TLE6: variants seen among roughly 807,000 people sequenced by gnomAD.
TLE6 encodes the protein TLE family member 6, subcortical maternal complex member.
A neutral mutation model predicts 77.1 loss-of-function variants in TLE6; 72 were observed. The ratio of observed to expected loss-of-function variants is 0.93; its 90% CI spans 0.77 to 1.14. TLE6 has a LOEUF of 1.14. Among genes scored for constraint, TLE6 ranks in the 50% most tolerant of loss-of-function variants. The pLI is 0.00. For missense variants in TLE6, 843 were observed against 747.6 expected (o/e 1.13, Z -1.49); for synonymous variants, 366 against 287.3 (o/e 1.27, Z -2.77).
At position 2,978,297 on chromosome 19, in the gene TLE6, TGTGGTG is replaced by T. The variant is rs1568206454; in HGVS notation, c.51+15_51+20del. On this transcript the variant is annotated intron_variant, in intron 2 of 16. Transcript: ENST00000246112. ...GAAAAGCACTTCGGTGAGGAGGGCA[TGTGGTG>T]GGATCAGCCCTCAAGGGAAACCCGG... is the stretch of plus-strand genomic sequence containing the variant. 6.4e-7 allele frequency: 1 copy of T among 1,551,034 alleles called. No homozygotes were observed. Among genetic ancestry groups the T allele is most frequent in the African/African-American group, 1.4e-5 (1 of 72,996 alleles).
chr19:2,992,917 A>G (rs1400812037), intron 14 of TLE6, among the ~76,000 whole-genome samples: 1 of 147,652 alleles, frequency 6.8e-6, no homozygotes, highest in East Asian at 2.1e-4. Context: ...GGCCGGGCGC[A>G]GTGTCTCACG....
intron 11 of TLE6, chr19:2,988,825 C>A: frequency 1.7e-6 from 1 of 600,844 alleles, no homozygotes; most frequent in Non-Finnish European, 2.9e-6. Context: ...AGGAGTTCTT[C>A]CTCCTGGGGC....
chr19:2,994,382 G>C (rs187725619), intron 16 of TLE6, among the ~76,000 whole-genome samples: 1 of 152,236 alleles, frequency 6.6e-6, no homozygotes, highest in East Asian at 1.9e-4. Flanking sequence ...AGGCCGAGAC[G>C]GGCAGATCAT....
Position 2,989,115 on chromosome 19 carries a change from C to A in TLE6, c.795C>A (p.Pro265=). 6.2e-7 allele frequency: 1 copy of A among 1,614,136 alleles called. No individual in the cohort carries two copies. The change falls in exon 12 of 17, where the codon CCC becomes CCA. Residue 265 remains proline, a synonymous_variant. Transcript: ENST00000246112. ...CATGGAAGAGGCCAGATGCCTTGCC[C>A]GGGCAGTCAAAGAGACTCGCCGTCC... The part of the protein sequence containing the change: ...EDAWKRPDAL[P]GQSKRLAVPC...
rs1568215427 is a variant in TLE6 at position 2,989,179 on chromosome 19, GAGC to G, written c.860_862del (p.Glu287_Leu288delinsVal). The G allele has an allele frequency of 6.2e-7, 1 of 1,614,140 alleles. No homozygotes were observed. On this transcript the variant is annotated inframe_deletion, in exon 12 of 17. Coordinates refer to ENST00000246112, the MANE Select transcript of TLE6 (RefSeq NM_001143986.2). ...AAAGATGCGGATCTTGGCACACGGG[GAGC>G]TCGTGCTCGCCACGGCCATCAGCAG... is the stretch of plus-strand genomic sequence containing the variant.
chr19:2,978,455 A>C (rs2088724866), intron 2 of TLE6, among the ~76,000 whole-genome samples, 171 bp downstream of exon 2: 1 of 152,168 alleles, frequency 6.6e-6, no homozygotes, highest in Non-Finnish European at 1.5e-5. Context: ...TTTTTTAAAA[A>C]AAATTAAGTG....
At chr19:2,990,714 A>C (rs567594642) in intron 13 of TLE6, among the ~76,000 whole-genome samples, 2 of 146,306 alleles carry the variant, frequency 1.4e-5, no homozygotes, top group African/African-American at 5.2e-5. Context: ...CATATATAAA[A>C]AACAGTCTGG....
At chr19:2,984,822 TTATG>T (rs1407833201) in intron 5 of TLE6, among the ~76,000 whole-genome samples, 1 of 148,688 alleles carries the variant, frequency 6.7e-6, no homozygotes, top group Non-Finnish European at 1.5e-5. Flanking sequence ...ATGACTATAT[TTATG>T]TATTATTCCA....
chr19:2,989,717 C>G lies in TLE6; in HGVS notation c.1176C>G (p.Asn392Lys), dbSNP rs142873734. ...CCCTGGATGCCAACCTGGATGCCAA[C>G]CTGGCCTTCGCCAGCTTCACCAGTG... Reference protein sequence around the residue: ...CQALDANLDANLAFASFTSGV... With the variant: ...CQALDANLDAKLAFASFTSGV... The change falls in exon 13 of 17, where the codon AAC (asparagine) becomes AAG (lysine). Residue 392 changes from asparagine to lysine, a missense_variant. By Grantham distance (94) the Asn-to-Lys change is moderately conservative. Coordinates refer to ENST00000246112, the MANE Select transcript of TLE6 (RefSeq NM_001143986.2). 3 of 1,614,118 alleles carry G rather than the reference C, an allele frequency of 1.9e-6. No homozygotes were observed. Among genetic ancestry groups the G allele is most frequent in the African/African-American group, 1.3e-5 (1 of 74,936 alleles).
chr19:2,977,578 C>G lies in TLE6; in HGVS notation c.-69C>G, dbSNP rs113879765. The G allele has an allele frequency of 8.5e-4, 130 of 152,582 alleles. No homozygotes were observed. The highest frequency in any genetic ancestry group is 3.0e-3 in the African/African-American group (123 of 41,572). The allele number at this position is 152,582 out of a possible 1,614,324, so 9.5% of individuals were successfully genotyped here. ...GGGGAAGGAGGAGTTTCCTCTTGGC[C>G]TGAACTTGGCTGACCTCCGCAGCTT... is the stretch of plus-strand genomic sequence containing the variant. On this transcript the variant is annotated 5_prime_UTR_variant, in exon 1 of 17. Coordinates refer to ENST00000246112, the MANE Select transcript of TLE6 (RefSeq NM_001143986.2).
rs1176718387 is a variant in TLE6 at position 2,994,906 on chromosome 19, G to A, written c.1621G>A (p.Glu541Lys). 2.5e-6 allele frequency: 4 copies of A among 1,597,152 alleles called. No individual in the cohort carries two copies. Among genetic ancestry groups the A allele is most frequent in the East Asian group, 2.2e-5 (1 of 44,552 alleles). Residue 541 changes from glutamate to lysine, a missense_variant, in exon 17 of 17, where the codon GAG becomes AAG. Coordinates refer to ENST00000246112, the MANE Select transcript of TLE6 (RefSeq NM_001143986.2). ...CCCACTGCCCCCCCTCCAGGTGCCT[G>A]AGATGTCTCCAGTCACGTGCTGTGA... ...PAGTKVFEVP[E>K]MSPVTCCDVS...
intron 13 of TLE6, among the ~76,000 whole-genome samples, chr19:2,990,649 AT>A (rs2089026110): frequency 7.0e-6 from 1 of 143,146 alleles, no homozygotes; most frequent in African/African-American, 2.7e-5. Flanking sequence ...AAATATATAT[AT>A]AAATACATAA....
At chr19:2,989,505 G>T in intron 12 of TLE6, 30 bp from the exon 13 acceptor site, 2 of 1,596,174 alleles carry the variant, frequency 1.3e-6, no homozygotes, top group South Asian at 2.2e-5. Flanking sequence ...CACGGGGGGC[G>T]ACAGCTCACA....
intron 2 of TLE6, among the ~76,000 whole-genome samples, 183 bp from the exon 3 acceptor site, chr19:2,979,917 T>C (rs563463384): frequency 2.0e-5 from 3 of 149,708 alleles, no homozygotes; most frequent in Non-Finnish European, 3.0e-5. Flanking sequence ...TGAGCTGAGA[T>C]TGTGCCACTG....
At chr19:2,978,082 T>C (rs1325140072) in intron 1 of TLE6, 116 bp from the exon 2 acceptor site, 2 of 707,722 alleles carry the variant, frequency 2.8e-6, no homozygotes, top group Admixed American at 5.0e-5. Context: ...ACCGCAGGAT[T>C]GGGTCCCTGG....
At chr19:2,992,793 A>ACGGGGGGGGGG (rs1487334518) in intron 14 of TLE6, among the ~76,000 whole-genome samples, 1 of 19,760 alleles carries the variant, frequency 5.1e-5, no homozygotes, top group African/African-American at 2.6e-4. Flanking sequence ...AAAAAAAAAA[A>ACGGGGGGGGGG]GGGGGGGAGG....
In TLE6 at chr19:2,978,257, A is replaced by AC; in HGVS notation, c.27dup (p.Lys10GlnfsTer17). ...AGATGACCTCTAGGGACCAGCCCAGACCCAAGGGCCCCCCGAAAAGCACTT... is the reference window on the plus strand; with the variant it reads ...AGATGACCTCTAGGGACCAGCCCAGACCCCAAGGGCCCCCCGAAAAGCACTT... On this transcript the variant is annotated frameshift_variant, in exon 2 of 17. Transcript: ENST00000246112. LOFTEE classifies it high-confidence loss of function. 3 of 1,551,358 alleles carry AC rather than the reference A, an allele frequency of 1.9e-6. No individual in the cohort carries two copies. The highest frequency in any genetic ancestry group is 2.6e-6 in the Non-Finnish European group (3 of 1,146,934).
intron 11 of TLE6, 178 bp from the exon 12 acceptor site, chr19:2,988,883 G>C: frequency 1.1e-6 from 1 of 918,834 alleles, no homozygotes; most frequent in Non-Finnish European, 1.6e-6. Flanking sequence ...CTGTGGCAAA[G>C]GGACAATACT....
chr19:2,982,190 G>A lies in TLE6; in HGVS notation c.222+1G>A. 3 of 1,551,398 alleles carry A rather than the reference G, an allele frequency of 1.9e-6. No homozygotes were observed. Among genetic ancestry groups the A allele is most frequent in the Non-Finnish European group, 2.6e-6 (3 of 1,146,942 alleles). On this transcript the variant is annotated splice_donor_variant, in intron 5 of 16. Coordinates refer to ENST00000246112, the MANE Select transcript of TLE6 (RefSeq NM_001143986.2). LOFTEE classifies it high-confidence loss of function. The stretch of plus-strand genomic sequence containing the variant: ...GGATGTGGCAGAACATCACAAGCAG[G>A]TGGGTGACCAGGAGCTCAGGGGTGC...
Sources: allele counts gnomAD v4.1 joint callset (sites outside exome capture counted in the v4.1 genomes callset), GRCh38; gene constraint gnomAD v4.1.1; transcripts MANE v1.5; gene names NCBI Gene and HGNC (gene_info 2026-07-23, HGNC 2026-07-21).